ZFAND3: variants seen among roughly 807,000 people sequenced by gnomAD.
ZFAND3 encodes the protein zinc finger AN1-type containing 3, also known as AN1-type zinc finger protein 3.
A neutral mutation model predicts 29.6 loss-of-function variants in ZFAND3; 10 were observed. That is an observed-to-expected ratio of 0.34 (90% CI 0.21 to 0.57). The LOEUF (loss-of-function observed/expected upper bound fraction) is 0.57. Ranked by LOEUF, ZFAND3 falls within the 20% of genes least tolerant of loss-of-function variation. ZFAND3 has a pLI of 0.86. For synonymous variants in ZFAND3, 128 were observed against 112.6 expected (o/e 1.14, Z -0.87); for missense variants, 230 against 304.5 (o/e 0.76, Z 1.82).
At chr6:38,007,445 T>C (rs1329594449) in intron 2 of ZFAND3, among the ~76,000 whole-genome samples, 3 of 152,066 alleles carry the variant, frequency 2.0e-5, no homozygotes, top group Non-Finnish European at 4.4e-5. Flanking sequence ...CTTGGGAGGC[T>C]GAGGTGGGAG....
chr6:38,043,229 G>GT (rs1763825988), intron 2 of ZFAND3, among the ~76,000 whole-genome samples: 1 of 144,612 alleles, frequency 6.9e-6, no homozygotes, highest in Admixed American at 6.9e-5. Flanking sequence ...TCCTCCCTCC[G>GT]TATCTCCCTT....
intron 1 of ZFAND3, among the ~76,000 whole-genome samples, chr6:37,920,112 G>A (rs1310494480): frequency 1.6e-5 from 2 of 124,386 alleles, no homozygotes; most frequent in Non-Finnish European, 3.2e-5. Context: ...ATTGGTGTCT[G>A]CCTCAAAAGT....
intron 1 of ZFAND3, among the ~76,000 whole-genome samples, chr6:37,911,042 C>T (rs1765511524): frequency 6.6e-6 from 1 of 150,662 alleles, no homozygotes; most frequent in Admixed American, 6.6e-5. Flanking sequence ...TGATTCCATT[C>T]CTTTGGATAT....
intron 1 of ZFAND3, among the ~76,000 whole-genome samples, chr6:37,827,148 TG>T (rs1197573693): frequency 7.2e-5 from 11 of 152,240 alleles, no homozygotes; most frequent in African/African-American, 2.7e-4. Context: ...TTATTTCCAC[TG>T]GGAGAAGCAA....
chr6:37,844,810 C>G (rs550527047), intron 1 of ZFAND3, among the ~76,000 whole-genome samples: 1 of 150,316 alleles, frequency 6.7e-6, no homozygotes, highest in South Asian at 2.1e-4. Flanking sequence ...GTCAGGAGAT[C>G]GAGACCAGCC....
chr6:37,992,127 G>A (rs1762770399), intron 2 of ZFAND3, among the ~76,000 whole-genome samples: 1 of 152,164 alleles, frequency 6.6e-6, no homozygotes, highest in East Asian at 1.9e-4. Flanking sequence ...TGGGAACTGT[G>A]TTGTTTCTTA....
At chr6:37,854,168 C>T (rs763755707) in intron 1 of ZFAND3, among the ~76,000 whole-genome samples, 1 of 152,144 alleles carries the variant, frequency 6.6e-6, no homozygotes, top group Non-Finnish European at 1.5e-5. Context: ...TCAGGCTGGT[C>T]TCGAACTCCT....
intron 2 of ZFAND3, among the ~76,000 whole-genome samples, chr6:37,992,099 C>G (rs934703117): frequency 1.3e-5 from 2 of 152,134 alleles, no homozygotes; most frequent in South Asian, 4.1e-4. Flanking sequence ...ACTTTTCTTG[C>G]AACTTATGTA....
chr6:37,895,493 T>C (rs1184746906), intron 1 of ZFAND3, among the ~76,000 whole-genome samples: 1 of 141,314 alleles, frequency 7.1e-6, no homozygotes, highest in Non-Finnish European at 1.5e-5. Flanking sequence ...ATCTTATATG[T>C]CTAGACTTAA....
intron 2 of ZFAND3, among the ~76,000 whole-genome samples, chr6:37,989,522 A>G (rs1762724681): frequency 6.6e-6 from 1 of 152,182 alleles, no homozygotes; most frequent in Non-Finnish European, 1.5e-5. Flanking sequence ...CTCTACCTTC[A>G]TGACCTAAAT....
intron 1 of ZFAND3, among the ~76,000 whole-genome samples, chr6:37,838,756 T>C (rs754288850): frequency 6.6e-6 from 1 of 152,224 alleles, no homozygotes; most frequent in African/African-American, 2.4e-5. Flanking sequence ...TTTTGGCTAT[T>C]ATGAATAATA....
chr6:37,884,205 G>A (rs1318347115), intron 1 of ZFAND3, among the ~76,000 whole-genome samples: 1 of 145,212 alleles, frequency 6.9e-6, no homozygotes, highest in Non-Finnish European at 1.5e-5. Context: ...TGAGAATTAC[G>A]TCAGGTGGCT....
intron 1 of ZFAND3, among the ~76,000 whole-genome samples, chr6:37,834,824 T>C (rs530388419): frequency 8.1e-5 from 12 of 148,768 alleles, no homozygotes; most frequent in African/African-American, 2.3e-4. Context: ...CATATATCAT[T>C]ATGATATATG....
intron 4 of ZFAND3, among the ~76,000 whole-genome samples, chr6:38,105,918 C>T (rs1303963219): frequency 6.6e-6 from 1 of 151,980 alleles, no homozygotes; most frequent in East Asian, 1.9e-4. Flanking sequence ...AGAAGGAAAA[C>T]TGAGCTGACC....
At chr6:38,070,288 G>A (rs188761415) in intron 3 of ZFAND3, among the ~76,000 whole-genome samples, 1 of 151,988 alleles carries the variant, frequency 6.6e-6, no homozygotes, top group African/African-American at 2.4e-5. Flanking sequence ...GCCTGGCATG[G>A]TGTCAGGCCC....
At chr6:38,144,202 TATATATATAATATATAATATATATA>T (rs1562015949) in intron 5 of ZFAND3, among the ~76,000 whole-genome samples, 5 of 41,190 alleles carry the variant, frequency 1.2e-4, no homozygotes, top group African/African-American at 7.3e-4. Context: ...TATATATATA[TATATATATAATATATAATATATATA>T]TATATTTTTT....
intron 2 of ZFAND3, among the ~76,000 whole-genome samples, chr6:37,999,200 G>A (rs535749461): frequency 3.9e-5 from 6 of 152,258 alleles, no homozygotes; most frequent in African/African-American, 1.4e-4. Flanking sequence ...CAAGCTGGAA[G>A]GAACTATTTG....
At chr6:37,949,443 C>T (rs1761959370) in intron 2 of ZFAND3, among the ~76,000 whole-genome samples, 1 of 152,096 alleles carries the variant, frequency 6.6e-6, no homozygotes, top group East Asian at 1.9e-4. Context: ...CACCACCAAG[C>T]AGTGGACACC....
At chr6:37,914,654 C>CTTTTTT (rs1485844744) in intron 1 of ZFAND3, among the ~76,000 whole-genome samples, 1 of 79,608 alleles carries the variant, frequency 1.3e-5, no homozygotes, top group Non-Finnish European at 2.7e-5. Flanking sequence ...TTCTTTCTTT[C>CTTTTTT]TTTCTTTCTT....
Sources: gnomAD v4.1 joint callset for allele counts (sites outside exome capture counted in the v4.1 genomes callset) on GRCh38, gnomAD v4.1.1 for gene constraint, MANE v1.5 for transcripts, NCBI Gene and HGNC (gene_info 2026-07-23, HGNC 2026-07-21) for gene names.